The following SLIT3 variants were observed in gnomAD, a reference collection of about 807,000 sequenced individuals.
SLIT3 encodes the protein slit homolog 3 protein.
SLIT3 carries 68 observed loss-of-function variants against 184.0 expected under a neutral mutation model. That is an observed-to-expected ratio of 0.37 (90% CI 0.30 to 0.45). SLIT3 has a LOEUF of 0.45. Among genes scored for constraint, SLIT3 ranks in the 20% least tolerant of loss-of-function variants. The pLI is 1.00. For synonymous variants in SLIT3, 831 were observed against 828.6 expected (o/e 1.00, Z -0.05); for missense variants, 1,707 against 2,026.0 (o/e 0.84, Z 3.02).
At chr5:169,159,669 G>A (rs990688256) in intron 4 of SLIT3, among the ~76,000 whole-genome samples, 16 of 151,802 alleles carry the variant, frequency 1.1e-4, no homozygotes, top group African/African-American at 2.4e-4. Context: ...CCAGCTACTC[G>A]GGAGGCTGAG....
intron 4 of SLIT3, chr5:169,013,406 G>A (rs1055148322): frequency 2.0e-5 from 3 of 152,232 alleles, no homozygotes; most frequent in Admixed American, 2.0e-4. Flanking sequence ...AGGGCCCCCA[G>A]GATGGGAGAC....
At chr5:169,249,415 TA>T (rs1173280761) in intron 2 of SLIT3, among the ~76,000 whole-genome samples, 1 of 152,242 alleles carries the variant, frequency 6.6e-6, no homozygotes, top group African/African-American at 2.4e-5. Flanking sequence ...CAGGGGATAT[TA>T]AAACAATCTT....
chr5:169,246,199 C>A (rs1001203619), intron 2 of SLIT3, among the ~76,000 whole-genome samples: 2 of 152,164 alleles, frequency 1.3e-5, no homozygotes, highest in African/African-American at 4.8e-5. Flanking sequence ...ATCCATTGAC[C>A]AGAAGTAGAA....
chr5:168,788,396 A>G (rs537035999), intron 11 of SLIT3, among the ~76,000 whole-genome samples: 5 of 152,174 alleles, frequency 3.3e-5, no homozygotes, highest in Non-Finnish European at 7.3e-5. Context: ...TGGGGGGAAT[A>G]TGTGCATCTG....
At chr5:168,778,705 G>A (rs140410799) in intron 12 of SLIT3, among the ~76,000 whole-genome samples, 55 of 152,330 alleles carry the variant, frequency 3.6e-4, no homozygotes, top group African/African-American at 1.3e-3. Context: ...CTCTGAGCAG[G>A]CCAGGGACAA....
At chr5:169,270,025 A>G (rs1023582038) in intron 1 of SLIT3, among the ~76,000 whole-genome samples, 1 of 152,208 alleles carries the variant, frequency 6.6e-6, no homozygotes, top group Non-Finnish European at 1.5e-5. Context: ...ACTTTACATA[A>G]AAATGAAAAT....
intron 4 of SLIT3, among the ~76,000 whole-genome samples, chr5:169,028,343 C>T (rs539181994): frequency 1.7e-4 from 26 of 152,254 alleles, no homozygotes; most frequent in African/African-American, 6.0e-4. Context: ...CATACATGTC[C>T]CAGAGGACCA....
chr5:169,179,551 C>A (rs1485709821), intron 4 of SLIT3, among the ~76,000 whole-genome samples: 4 of 152,170 alleles, frequency 2.6e-5, no homozygotes, highest in Non-Finnish European at 5.9e-5. Flanking sequence ...CACTGGCTCA[C>A]ATCTGCTTGA....
intron 4 of SLIT3, among the ~76,000 whole-genome samples, chr5:169,039,983 T>C (rs141076770): frequency 1.3e-5 from 2 of 152,378 alleles, no homozygotes; most frequent in East Asian, 1.9e-4. Flanking sequence ...TCATTTAGTG[T>C]ATAGCAGCAA....
At position 168,666,118 on chromosome 5, in the gene SLIT3, ATTT is replaced by A. The variant is rs748731703; in HGVS notation, c.*333_*335del. 1.1e-5 allele frequency: 2 copies of A among 180,462 alleles called. No homozygotes were observed. Among genetic ancestry groups the A allele is most frequent in the Non-Finnish European group, 2.3e-5 (2 of 87,892 alleles). 11.2% of individuals were successfully genotyped at this position (180,462 alleles called of 1,614,324 possible). On this transcript the variant is annotated 3_prime_UTR_variant, in exon 36 of 36. Transcript: ENST00000519560. The stretch of plus-strand genomic sequence containing the variant: ...TATTCTTATCCTTTTGTTTTAAAGC[ATTT>A]TTATTAGTCTATTTTTTTCTTAAAT...
chr5:168,765,940 G>C (rs1412738362), intron 14 of SLIT3, among the ~76,000 whole-genome samples: 1 of 152,104 alleles, frequency 6.6e-6, no homozygotes, highest in African/African-American at 2.4e-5. Flanking sequence ...GGTGGGGGTA[G>C]GAGGTGGAAA....
chr5:168,782,724 T>TA (rs1756017428), intron 12 of SLIT3, among the ~76,000 whole-genome samples: 1 of 152,186 alleles, frequency 6.6e-6, no homozygotes, highest in South Asian at 2.1e-4. Flanking sequence ...ATATTTCAAT[T>TA]CTAAACATAC....
intron 4 of SLIT3, among the ~76,000 whole-genome samples, chr5:168,900,910 TACACATGGACATAGAGGAGAATG>T (rs1166050216): frequency 6.6e-6 from 1 of 152,186 alleles, no homozygotes; most frequent in Non-Finnish European, 1.5e-5. Context: ...AAACAATGTG[TACACATGGACATAGAGGAGAATG>T]ACAATGGAGC....
intron 5 of SLIT3, among the ~76,000 whole-genome samples, chr5:168,870,983 C>G (rs1759495853): frequency 6.6e-6 from 1 of 152,218 alleles, no homozygotes; most frequent in Non-Finnish European, 1.5e-5. Flanking sequence ...CGAATTACCA[C>G]AAACTGAGCG....
intron 4 of SLIT3, among the ~76,000 whole-genome samples, chr5:169,140,333 A>C (rs1010431080): frequency 8.4e-5 from 12 of 142,188 alleles, no homozygotes; most frequent in African/African-American, 2.8e-4. Context: ...AAAAAAAAAA[A>C]AGCCAGGCAT....
intron 5 of SLIT3, among the ~76,000 whole-genome samples, chr5:168,877,223 A>G (rs1429790202): frequency 6.6e-6 from 1 of 152,162 alleles, no homozygotes; most frequent in Non-Finnish European, 1.5e-5. Context: ...TGACTGGGTG[A>G]TGGGATAGAG....
intron 4 of SLIT3, among the ~76,000 whole-genome samples, chr5:169,135,213 TCTC>T (rs1400596102): frequency 6.6e-6 from 1 of 152,124 alleles, no homozygotes; most frequent in African/African-American, 2.4e-5. Context: ...TTCAAGCAAT[TCTC>T]CTGTCTCAGC....
At chr5:168,894,581 A>G (rs1760594000) in intron 4 of SLIT3, among the ~76,000 whole-genome samples, 1 of 152,190 alleles carries the variant, frequency 6.6e-6, no homozygotes, top group Non-Finnish European at 1.5e-5. Context: ...CTTGTGAACT[A>G]AGGAGCCACA....
chr5:168,881,278 C>G (rs773053159), intron 5 of SLIT3, among the ~76,000 whole-genome samples: 3 of 152,092 alleles, frequency 2.0e-5, no homozygotes, highest in Non-Finnish European at 4.4e-5. Context: ...AGTCCTGAGG[C>G]CTTTGCGTAG....
Sources: gnomAD v4.1 joint callset for allele counts (sites outside exome capture counted in the v4.1 genomes callset) on GRCh38, gnomAD v4.1.1 for gene constraint, MANE v1.5 for transcripts, NCBI Gene and HGNC (gene_info 2026-07-23, HGNC 2026-07-21) for gene names.